ZBTB16: variants seen among roughly 807,000 people sequenced by gnomAD.
ZBTB16 encodes zinc finger and BTB domain-containing protein 16.
A neutral mutation model predicts 56.8 loss-of-function variants in ZBTB16; 8 were observed. The observed-to-expected ratio is 0.14, with a 90% CI of 0.08 to 0.25. The LOEUF (loss-of-function observed/expected upper bound fraction) is 0.25. Ranked by LOEUF, ZBTB16 falls within the 10% of genes least tolerant of loss-of-function variation. The pLI is 1.00. For missense variants in ZBTB16, 625 were observed against 903.0 expected (o/e 0.69, Z 3.95); for synonymous variants, 363 against 368.5 (o/e 0.98, Z 0.17).
chr11:114,161,481 A>C (rs1344540397), intron 3 of ZBTB16, among the ~76,000 whole-genome samples: 2 of 152,208 alleles, frequency 1.3e-5, no homozygotes, highest in Non-Finnish European at 2.9e-5. Flanking sequence ...TGCAATCATC[A>C]TACAAGATGG....
Position 114,250,642 on chromosome 11 carries a change from AG to A in ZBTB16, c.*89del. ...AAGGAAGGACTATGACAAATAAAAAAGGAAAAGAAAAAAAAAAACAGAAGGA... is the reference window on the plus strand; with the variant it reads ...AAGGAAGGACTATGACAAATAAAAAAGAAAAGAAAAAAAAAAACAGAAGGA... On this transcript the variant is annotated 3_prime_UTR_variant, in exon 7 of 7. Coordinates refer to ENST00000335953, the MANE Select transcript of ZBTB16 (RefSeq NM_006006.6). This position sits in a 1 kb window ranked among gnomAD's most constrained non-coding sequence, Gnocchi z 6.0. 1.4e-6 allele frequency: 2 copies of A among 1,400,572 alleles called. No individual in the cohort carries two copies. The highest frequency in any genetic ancestry group is 2.0e-6 in the Non-Finnish European group (2 of 1,019,358). 86.8% of individuals were successfully genotyped at this position (1,400,572 alleles called of 1,614,324 possible).
At chr11:114,128,297 C>T (rs968283212) in intron 2 of ZBTB16, among the ~76,000 whole-genome samples, 10 of 152,160 alleles carry the variant, frequency 6.6e-5, no homozygotes, top group African/African-American at 1.4e-4. Context: ...TGCCCAGGCA[C>T]CTGCTCTCTG....
In ZBTB16 at chr11:114,187,057, C is replaced by T; in HGVS notation, c.1453+19C>T. 6.2e-7 allele frequency: 1 copy of T among 1,612,966 alleles called. No individual in the cohort carries two copies. The highest frequency in any genetic ancestry group is 8.5e-7 in the Non-Finnish European group (1 of 1,179,070). ...CATACTGGTGAGTTGACTTGGATTC[C>T]TGTTCTCCAGGTTTTCCACAGTGTT... is the stretch of plus-strand genomic sequence containing the variant. On this transcript the variant is annotated intron_variant, in intron 4 of 6. Transcript: ENST00000335953.
chr11:114,061,091 T>C (rs1938834979), intron 1 of ZBTB16, among the ~76,000 whole-genome samples: 1 of 151,790 alleles, frequency 6.6e-6, no homozygotes, highest in Non-Finnish European at 1.5e-5. Context: ...TCGGGAAAAG[T>C]TGCTTCCCCA....
intron 2 of ZBTB16, among the ~76,000 whole-genome samples, chr11:114,138,633 GT>G (rs1941861038): frequency 1.3e-5 from 2 of 151,170 alleles, no homozygotes; most frequent in Admixed American, 1.3e-4. Context: ...TTTGTGTTGA[GT>G]TTTGAGTCAA....
chr11:114,127,402 G>T (rs1305305735), intron 2 of ZBTB16, among the ~76,000 whole-genome samples: 1 of 152,132 alleles, frequency 6.6e-6, no homozygotes, highest in East Asian at 1.9e-4. Context: ...GCAGAACTCT[G>T]TATTAAATAA....
intron 2 of ZBTB16, among the ~76,000 whole-genome samples, chr11:114,138,303 A>G (rs967600947): frequency 2.0e-5 from 3 of 152,192 alleles, no homozygotes; most frequent in Admixed American, 6.5e-5. Flanking sequence ...GAGCTGCAGG[A>G]CAGAGGCATA....
intron 4 of ZBTB16, among the ~76,000 whole-genome samples, chr11:114,232,109 T>C (rs928089976): frequency 6.6e-6 from 1 of 152,178 alleles, no homozygotes; most frequent in Non-Finnish European, 1.5e-5. Context: ...TCCGTCCCGA[T>C]GTTCCCCCAC....
At chr11:114,173,024 G>GGTAA (rs1162008054) in intron 3 of ZBTB16, among the ~76,000 whole-genome samples, 2 of 152,182 alleles carry the variant, frequency 1.3e-5, no homozygotes, top group African/African-American at 4.8e-5. Context: ...CTCAATTATG[G>GGTAA]TGCAGGGGGT....
intron 2 of ZBTB16, among the ~76,000 whole-genome samples, chr11:114,094,314 CAA>C (rs1205794990): frequency 6.6e-6 from 1 of 151,122 alleles, no homozygotes; most frequent in Non-Finnish European, 1.5e-5. Flanking sequence ...GACTCCGTCT[CAA>C]AAAAATAAAA....
At chr11:114,085,223 A>G (rs1939916574) in intron 2 of ZBTB16, among the ~76,000 whole-genome samples, 2 of 152,318 alleles carry the variant, frequency 1.3e-5, no homozygotes, top group Non-Finnish European at 1.5e-5. Context: ...ATGAAACTCT[A>G]TTTATCTTTA....
chr11:114,135,456 A>G (rs1324238837), intron 2 of ZBTB16, among the ~76,000 whole-genome samples: 2 of 152,248 alleles, frequency 1.3e-5, no homozygotes, highest in Non-Finnish European at 2.9e-5. Flanking sequence ...TGTAACCAAC[A>G]TAACCTCAAC....
chr11:114,226,995 C>T (rs573344459), intron 4 of ZBTB16, among the ~76,000 whole-genome samples: 2 of 152,304 alleles, frequency 1.3e-5, no homozygotes, highest in East Asian at 3.9e-4. Flanking sequence ...AAAGCCTCTC[C>T]CTCAGGCCTA....
At chr11:114,070,449 G>A (rs904160300) in intron 2 of ZBTB16, among the ~76,000 whole-genome samples, 2 of 152,208 alleles carry the variant, frequency 1.3e-5, no homozygotes, top group African/African-American at 4.8e-5. Context: ...GGTCGTTGAA[G>A]CACCTGAAGG....
At chr11:114,091,300 A>G (rs1281824388) in intron 2 of ZBTB16, among the ~76,000 whole-genome samples, 2 of 152,162 alleles carry the variant, frequency 1.3e-5, no homozygotes, top group African/African-American at 4.8e-5. Context: ...GTGAGGCGAG[A>G]TTGCACCACT....
At chr11:114,190,170 T>C (rs1346070443) in intron 4 of ZBTB16, among the ~76,000 whole-genome samples, 1 of 152,146 alleles carries the variant, frequency 6.6e-6, no homozygotes, top group East Asian at 1.9e-4. Flanking sequence ...GCGAGGAAAT[T>C]GAGAGCGACT....
intron 4 of ZBTB16, among the ~76,000 whole-genome samples, chr11:114,235,678 CTTTCTTTCTTTCT>C (rs199541832): frequency 0.057 from 1,625 of 28,474 alleles, 46 homozygotes; most frequent in Admixed American, 0.09. Flanking sequence ...TTCTTTCTTT[CTTTCTTTCTTTCT>C]TTTCTTTCTT....
intron 2 of ZBTB16, among the ~76,000 whole-genome samples, chr11:114,117,590 A>T (rs144852086): frequency 3.9e-5 from 6 of 152,198 alleles, no homozygotes; most frequent in African/African-American, 1.4e-4. Context: ...TGGCTTGGAT[A>T]ACTGGTGGAT....
chr11:114,125,857 C>T (rs759702584), intron 2 of ZBTB16, among the ~76,000 whole-genome samples: 4 of 152,140 alleles, frequency 2.6e-5, no homozygotes, highest in Admixed American at 6.5e-5. Context: ...CTCCACAATA[C>T]GCATCTCTTT....
Sources: allele counts gnomAD v4.1 joint callset (sites outside exome capture counted in the v4.1 genomes callset), GRCh38; gene constraint gnomAD v4.1.1; non-coding constraint Gnocchi (gnomAD v3.1); transcripts MANE v1.5; gene names NCBI Gene and HGNC (gene_info 2026-07-23, HGNC 2026-07-21).